ZFAT: variants seen among roughly 807,000 people sequenced by gnomAD.
ZFAT encodes the protein zinc finger protein ZFAT.
In ZFAT, 64 loss-of-function variants were observed where a neutral mutation model predicts 117.7. The observed-to-expected ratio is 0.54, with a 90% CI of 0.44 to 0.67. The LOEUF is 0.67. ZFAT is among the 30% of genes least tolerant of loss of function. The probability of loss-of-function intolerance (pLI) is 0.00; values close to 1 mark genes in which losing one functional copy is unlikely to be tolerated. For synonymous variants in ZFAT, 679 were observed against 615.0 expected, an observed-to-expected ratio of 1.10 and a Z score of -1.54; for missense variants, 1,433 against 1,584.5, an observed-to-expected ratio of 0.90 and a Z score of 1.62.
At chr8:134,610,952 G>A (rs758364932) in intron 3 of ZFAT, among the ~76,000 whole-genome samples, 1 of 152,232 alleles carries the variant, frequency 6.6e-6, no homozygotes, top group Non-Finnish European at 1.5e-5. Flanking sequence ...GCAGACTTCA[G>A]AATCATTAAT....
chr8:134,566,307 T>C (rs942387380), intron 10 of ZFAT, among the ~76,000 whole-genome samples: 1 of 138,460 alleles, frequency 7.2e-6, no homozygotes, highest in Admixed American at 8.2e-5. Flanking sequence ...GGCAGGAGAA[T>C]GGCGTGAACC....
intron 1 of ZFAT, among the ~76,000 whole-genome samples, chr8:134,688,967 G>C (rs752770487): frequency 1.3e-5 from 2 of 152,170 alleles, no homozygotes; most frequent in Non-Finnish European, 2.9e-5. Context: ...CACAGTGCCT[G>C]GCACACAGCA....
chr8:134,785,025 T>G, the ZFAT span: 3 of 152,230 alleles, frequency 2.0e-5, no homozygotes, highest in Admixed American at 2.0e-4. Flanking sequence ...GATGTTGAAC[T>G]GCTGTTATAA....
At position 134,608,814 on chromosome 8, in the gene ZFAT, T is replaced by G; in HGVS notation, c.700A>C (p.Thr234Pro). The G allele has an allele frequency of 6.2e-7, 1 of 1,609,926 alleles. No homozygotes were observed. Among genetic ancestry groups the G allele is most frequent in the South Asian group, 1.1e-5 (1 of 90,152 alleles). The change falls in exon 5 of 16, where the codon ACT (threonine) becomes CCT (proline). Residue 234 changes from threonine (T) to proline (P), a missense_variant. Around this residue, in one of 5 missense-constraint regions of ZFAT, gnomAD observed 436 missense variants for 482.0 expected, o/e 0.90. Coordinates refer to ENST00000377838, the MANE Select transcript of ZFAT (RefSeq NM_020863.4). Reference sequence around the variant, plus strand: ...CTCCGAGGCACCAGGTCTGCTGAAGTGGTCTCAGAATTTGTAGCTCCTGTT... The same window carrying G: ...CTCCGAGGCACCAGGTCTGCTGAAGGGGTCTCAGAATTTGTAGCTCCTGTT... ...PETGATNSET[T>P]SADLVPRRGY...
intron 15 of ZFAT, among the ~76,000 whole-genome samples, chr8:134,504,219 C>A (rs1353748755): frequency 6.6e-6 from 1 of 152,132 alleles, no homozygotes; most frequent in Non-Finnish European, 1.5e-5. Flanking sequence ...ACTGGGAGCC[C>A]AACTCCCTCC....
the ZFAT span, among the ~76,000 whole-genome samples, chr8:134,825,334 T>C: frequency 1.2e-3 from 177 of 152,362 alleles, no homozygotes; most frequent in African/African-American, 4.1e-3. Flanking sequence ...CTAATCCCTA[T>C]GATCTTTCTC....
chr8:134,636,155 G>A (rs1439821641), intron 3 of ZFAT, among the ~76,000 whole-genome samples: 5 of 152,182 alleles, frequency 3.3e-5, no homozygotes, highest in Non-Finnish European at 5.9e-5. Context: ...CTATGATAGG[G>A]TTTTGCAAAC....
chr8:134,581,751 A>C (rs1825727073), intron 10 of ZFAT, among the ~76,000 whole-genome samples: 1 of 151,926 alleles, frequency 6.6e-6, no homozygotes, highest in Non-Finnish European at 1.5e-5. Flanking sequence ...TGCCCCGTTA[A>C]TTTTTTGTAT....
the ZFAT span, among the ~76,000 whole-genome samples, chr8:134,763,704 T>C: frequency 6.6e-6 from 1 of 152,126 alleles, no homozygotes; most frequent in South Asian, 2.1e-4. Flanking sequence ...CCCTAAAGAT[T>C]TGTTCAATAA....
chr8:134,721,809 G>C, the ZFAT span, among the ~76,000 whole-genome samples: 1 of 152,140 alleles, frequency 6.6e-6, no homozygotes, highest in Non-Finnish European at 1.5e-5. Context: ...ACTCCTGCAG[G>C]CCAGCAGCAG....
At chr8:134,813,837 C>T in the ZFAT span, among the ~76,000 whole-genome samples, 1 of 147,146 alleles carries the variant, frequency 6.8e-6, no homozygotes, top group Non-Finnish European at 1.5e-5. Flanking sequence ...CACACACACA[C>T]ACGTCAAAGA....
At chr8:134,607,052 T>C (rs1302592454) in intron 5 of ZFAT, among the ~76,000 whole-genome samples, 7 of 152,166 alleles carry the variant, frequency 4.6e-5, no homozygotes, top group African/African-American at 7.2e-5. Flanking sequence ...ATTTGCACAA[T>C]AAAATATTAA....
chr8:134,529,502 T>C (rs1038777912), intron 12 of ZFAT, among the ~76,000 whole-genome samples: 13 of 152,206 alleles, frequency 8.5e-5, no homozygotes, highest in Non-Finnish European at 2.9e-5. Context: ...GAATCTGTCT[T>C]CAAAGCATCA....
chr8:134,824,421 C>T, the ZFAT span, among the ~76,000 whole-genome samples: 2 of 152,136 alleles, frequency 1.3e-5, no homozygotes, highest in Non-Finnish European at 2.9e-5. Flanking sequence ...ACAATAGAGG[C>T]TATCGTATTT....
the ZFAT span, chr8:134,797,048 G>C: frequency 1.3e-5 from 2 of 152,102 alleles, no homozygotes; most frequent in Non-Finnish European, 2.9e-5. Context: ...ATCTGAAAAA[G>C]AAGGACTGAC....
At chr8:134,586,797 G>A (rs1826098350) in intron 9 of ZFAT, among the ~76,000 whole-genome samples, 2 of 152,244 alleles carry the variant, frequency 1.3e-5, no homozygotes, top group African/African-American at 4.8e-5. Flanking sequence ...CAGTTCAGAA[G>A]AGAAGAGCAA....
chr8:134,613,006 G>T (rs1828453185), intron 3 of ZFAT, among the ~76,000 whole-genome samples: 1 of 152,214 alleles, frequency 6.6e-6, no homozygotes, highest in Non-Finnish European at 1.5e-5. Flanking sequence ...CTGAGTCACA[G>T]AAGTTCTTTT....
chr8:134,686,004 C>T (rs1424315303), intron 1 of ZFAT, among the ~76,000 whole-genome samples: 3 of 152,214 alleles, frequency 2.0e-5, no homozygotes, highest in Non-Finnish European at 4.4e-5. Context: ...CCCAAACACA[C>T]ATCCTTGGCC....
chr8:134,495,859 G>C (rs1202017260), intron 15 of ZFAT, among the ~76,000 whole-genome samples: 1 of 152,118 alleles, frequency 6.6e-6, no homozygotes. Flanking sequence ...GAGTAGGGGA[G>C]GTTGAGGCTG....
Sources: gnomAD v4.1 joint callset for allele counts (sites outside exome capture counted in the v4.1 genomes callset) on GRCh38, gnomAD v4.1.1 for gene constraint, gnomAD v4.1.1 regional missense constraint, MANE v1.5 for transcripts, NCBI Gene and HGNC (gene_info 2026-07-23, HGNC 2026-07-21) for gene names.